Variants in ATP9B observed in about 807,000 individuals in gnomAD.
ATP9B encodes ATPase phospholipid transporting 9B, also known as probable phospholipid-transporting ATPase IIB.
In ATP9B, 110 loss-of-function variants were observed where a neutral mutation model predicts 146.1. That is an observed-to-expected ratio of 0.75 (90% CI 0.65 to 0.88). ATP9B has a LOEUF of 0.88. Among genes scored for constraint, ATP9B ranks in the 40% least tolerant of loss-of-function variants. The pLI is 0.00. For missense variants in ATP9B, 1,499 were observed against 1,496.4 expected, an observed-to-expected ratio of 1.00 and a Z score of -0.03; for synonymous variants, 604 against 569.7, an observed-to-expected ratio of 1.06 and a Z score of -0.86.
intron 15 of ATP9B, among the ~76,000 whole-genome samples, chr18:79,328,161 C>CGTGGTTAGCGTGCTCTCT (rs2096771213): frequency 1.3e-5 from 2 of 150,556 alleles, no homozygotes; most frequent in Admixed American, 6.6e-5. Flanking sequence ...GCGTGCTCTC[C>CGTGGTTAGCGTGCTCTCT]GTGGTTAGTG....
Position 79,253,367 on chromosome 18 carries a change from T to C in ATP9B, c.1108-14T>C. On this transcript the variant is annotated splice_polypyrimidine_tract_variant and intron_variant, in intron 11 of 29. Coordinates refer to ENST00000426216, the MANE Select transcript of ATP9B (RefSeq NM_198531.5). The stretch of plus-strand genomic sequence containing the variant: ...GTGGTTAGCTTGTTCATGTATTATG[T>C]GTTTTTCTTTCAGGTTGGTTTGTTG... 9 of 1,604,598 alleles carry C rather than the reference T, an allele frequency of 5.6e-6. No homozygotes were observed. The highest frequency in any genetic ancestry group is 7.6e-6 in the Non-Finnish European group (9 of 1,177,228).
chr18:79,351,037 T>C (rs2096919849), intron 25 of ATP9B, among the ~76,000 whole-genome samples: 2 of 152,178 alleles, frequency 1.3e-5, no homozygotes, highest in African/African-American at 4.8e-5. Flanking sequence ...TCCCAAAGTG[T>C]TGGGATTACA....
intron 11 of ATP9B, among the ~76,000 whole-genome samples, chr18:79,220,804 T>A (rs1179021721): frequency 2.0e-5 from 3 of 152,224 alleles, no homozygotes; most frequent in Non-Finnish European, 4.4e-5. Flanking sequence ...TCTTCTTTAT[T>A]CCATGATGCA....
chr18:79,350,349 TG>T (rs2096916006), intron 25 of ATP9B, among the ~76,000 whole-genome samples: 1 of 152,266 alleles, frequency 6.6e-6, no homozygotes, highest in African/African-American at 2.4e-5. Context: ...TTTAGGCCCC[TG>T]CCTGCTGTAA....
At chr18:79,109,076 A>C (rs910942200) in intron 2 of ATP9B, among the ~76,000 whole-genome samples, 26 of 152,276 alleles carry the variant, frequency 1.7e-4, no homozygotes, top group Admixed American at 9.8e-4. Context: ...TGTCATTTTC[A>C]TGCAAAACTT....
At chr18:79,369,215 C>A (rs10853389) in intron 26 of ATP9B, among the ~76,000 whole-genome samples, 1,901 of 150,064 alleles carry the variant, frequency 0.013, 22 homozygotes, top group Non-Finnish European at 0.02. Flanking sequence ...TGGCCAACAC[C>A]GTAAAACCCC....
chr18:79,345,962 C>G (rs1054061636), intron 23 of ATP9B, 123 bp downstream of exon 23: 4 of 1,085,902 alleles, frequency 3.7e-6, no homozygotes, highest in Non-Finnish European at 4.2e-6. Flanking sequence ...ATGTGCTTAG[C>G]GTACGCTCGG....
chr18:79,366,642 A>G (rs929578052), intron 26 of ATP9B, among the ~76,000 whole-genome samples: 4 of 152,244 alleles, frequency 2.6e-5, no homozygotes, highest in Admixed American at 2.0e-4. Flanking sequence ...ATGTGTGAGC[A>G]TGACTTAGTA....
intron 8 of ATP9B, among the ~76,000 whole-genome samples, chr18:79,187,617 G>A (rs12606269): frequency 1.2e-4 from 18 of 152,282 alleles, no homozygotes; most frequent in Middle Eastern, 3.4e-3. Context: ...TTTGTTTCCC[G>A]TTGAGTGTCT....
chr18:79,078,921 C>G (rs1182812395), intron 1 of ATP9B, among the ~76,000 whole-genome samples: 2 of 152,154 alleles, frequency 1.3e-5, no homozygotes, highest in Non-Finnish European at 2.9e-5. Context: ...GTTTGGTTTT[C>G]TGTTCTTGTG....
intron 5 of ATP9B, among the ~76,000 whole-genome samples, chr18:79,129,352 C>A (rs1033032891): frequency 2.0e-5 from 3 of 152,120 alleles, no homozygotes; most frequent in African/African-American, 7.2e-5. Flanking sequence ...AAAGTCTTTC[C>A]CTCTGGCCAG....
At position 79,154,575 on chromosome 18, in the gene ATP9B, A is replaced by T. The variant is rs759492034; in HGVS notation, c.778+20A>T. 6.0e-5 allele frequency: 90 copies of T among 1,490,252 alleles called. No homozygotes were observed. Among genetic ancestry groups the T allele is most frequent in the Admixed American group, 4.1e-4 (17 of 40,974 alleles). 92.3% of individuals were successfully genotyped at this position (1,490,252 alleles called of 1,614,324 possible). A position where few individuals can be genotyped will look rare whatever the true frequency, so the allele number is the denominator to read the frequency against. On this transcript the variant is annotated intron_variant, in intron 7 of 29. Transcript: ENST00000426216. ...AAGCAGGTATTTTTACATTTAAAAA[A>T]ACTTACCTAACTGTATATTATTGCA...
intron 6 of ATP9B, among the ~76,000 whole-genome samples, chr18:79,153,147 C>T (rs931142606): frequency 3.3e-5 from 5 of 152,094 alleles, no homozygotes; most frequent in African/African-American, 1.2e-4. Context: ...ACTGACAATC[C>T]ATTTACCATT....
chr18:79,087,284 G>A (rs2073927938), intron 1 of ATP9B: 1 of 152,236 alleles, frequency 6.6e-6, no homozygotes, highest in Non-Finnish European at 1.5e-5. Context: ...TTCTAAGACT[G>A]TTGCATTGAG....
intron 11 of ATP9B, among the ~76,000 whole-genome samples, chr18:79,224,213 T>C (rs1459874764): frequency 6.6e-6 from 1 of 152,248 alleles, no homozygotes; most frequent in African/African-American, 2.4e-5. Flanking sequence ...TTTGAACTCC[T>C]TGATTCCTTA....
At chr18:79,200,717 T>C (rs7233569) in intron 9 of ATP9B, among the ~76,000 whole-genome samples, 2,515 of 95,878 alleles carry the variant, frequency 0.026, no homozygotes, top group African/African-American at 0.12. Flanking sequence ...AGAGCAGAGG[T>C]GGAGGTGGGG....
At chr18:79,314,101 A>T (rs922051725) in intron 15 of ATP9B, among the ~76,000 whole-genome samples, 1 of 152,204 alleles carries the variant, frequency 6.6e-6, no homozygotes, top group Non-Finnish European at 1.5e-5. Flanking sequence ...CTGGAGCTTT[A>T]TTTAGGGAAA....
intron 12 of ATP9B, among the ~76,000 whole-genome samples, chr18:79,262,017 C>A (rs1294896718): frequency 6.6e-6 from 1 of 152,096 alleles, no homozygotes; most frequent in African/African-American, 2.4e-5. Context: ...TCAGTACACG[C>A]CCCACGCTGC....
chr18:79,372,062 A>T (rs1228806626), intron 26 of ATP9B, among the ~76,000 whole-genome samples: 1 of 152,226 alleles, frequency 6.6e-6, no homozygotes, highest in Non-Finnish European at 1.5e-5. Context: ...GTCACTTTCG[A>T]CAGCTCTTTA....
Sources: gnomAD v4.1 joint callset for allele counts (sites outside exome capture counted in the v4.1 genomes callset) on GRCh38, gnomAD v4.1.1 for gene constraint, MANE v1.5 for transcripts, NCBI Gene and HGNC (gene_info 2026-07-23, HGNC 2026-07-21) for gene names.